KCNQ3: variants seen among roughly 807,000 people sequenced by gnomAD.
KCNQ3 encodes the protein potassium voltage-gated channel subfamily Q member 3.
A neutral mutation model predicts 92.5 loss-of-function variants in KCNQ3; 30 were observed. That is an observed-to-expected ratio of 0.32 (90% confidence interval 0.24 to 0.44). The LOEUF is 0.44. KCNQ3 is among the 20% of genes least tolerant of loss of function. The probability of loss-of-function intolerance (pLI) is 1.00; values close to 1 mark genes in which losing one functional copy is unlikely to be tolerated. For synonymous variants in KCNQ3, 450 were observed against 468.8 expected, an observed-to-expected ratio of 0.96 and a Z score of 0.52; for missense variants, 913 against 1,140.3, an observed-to-expected ratio of 0.80 and a Z score of 2.87.
At chr8:132,247,185 C>T (rs1207862383) in intron 1 of KCNQ3, among the ~76,000 whole-genome samples, 2 of 152,154 alleles carry the variant, frequency 1.3e-5, no homozygotes, top group Non-Finnish European at 2.9e-5. Flanking sequence ...TCCAGAGAGC[C>T]TACTTTCTCC....
chr8:132,136,995 G>T (rs1368750929), intron 12 of KCNQ3, among the ~76,000 whole-genome samples: 2 of 149,728 alleles, frequency 1.3e-5, no homozygotes, highest in African/African-American at 4.9e-5. Context: ...CTCCCAAGTA[G>T]CTGAGATTAC....
chr8:132,220,892 T>C (rs1814205523), intron 1 of KCNQ3, among the ~76,000 whole-genome samples: 2 of 152,202 alleles, frequency 1.3e-5, no homozygotes, highest in African/African-American at 4.8e-5. Context: ...GGTATACATG[T>C]GCCATGTTGT....
chr8:132,275,158 CT>C (rs1816283867), intron 1 of KCNQ3, among the ~76,000 whole-genome samples: 1 of 152,084 alleles, frequency 6.6e-6, no homozygotes, highest in Admixed American at 6.5e-5. Context: ...AAGTATCTAA[CT>C]TTTGTTTACC....
At chr8:132,331,136 G>A (rs540413777) in intron 1 of KCNQ3, among the ~76,000 whole-genome samples, 2 of 152,232 alleles carry the variant, frequency 1.3e-5, no homozygotes, top group South Asian at 4.2e-4. Context: ...GCACTGTCCT[G>A]TGCCCTTTAC....
chr8:132,332,202 G>C (rs1299093998), intron 1 of KCNQ3, among the ~76,000 whole-genome samples: 9 of 152,292 alleles, frequency 5.9e-5, no homozygotes, highest in East Asian at 1.9e-4. Context: ...AGGTGCCTGT[G>C]GGGAGGGACC....
At chr8:132,355,934 A>G (rs115881176) in intron 1 of KCNQ3, among the ~76,000 whole-genome samples, 199 of 152,354 alleles carry the variant, frequency 1.3e-3, no homozygotes, top group African/African-American at 4.4e-3. Context: ...GGGAGAGTCA[A>G]ATAACAAAAG....
chr8:132,318,362 T>G (rs1817800225), intron 1 of KCNQ3, among the ~76,000 whole-genome samples: 2 of 152,200 alleles, frequency 1.3e-5, no homozygotes, highest in Non-Finnish European at 2.9e-5. Flanking sequence ...CTAGGGCCCT[T>G]CCAAGTTTAG....
intron 1 of KCNQ3, among the ~76,000 whole-genome samples, chr8:132,404,356 A>C (rs1217089425): frequency 6.6e-6 from 1 of 152,232 alleles, no homozygotes; most frequent in Non-Finnish European, 1.5e-5. Flanking sequence ...CAGCCCCCAG[A>C]CACTTAATCA....
intron 1 of KCNQ3, among the ~76,000 whole-genome samples, chr8:132,234,502 AG>A (rs1251059939): frequency 6.6e-6 from 1 of 152,020 alleles, no homozygotes. Flanking sequence ...GGGTGGAGGC[AG>A]GGGGCAGAGA....
intron 1 of KCNQ3, among the ~76,000 whole-genome samples, chr8:132,388,029 A>T (rs376712039): frequency 6.7e-6 from 1 of 149,866 alleles, no homozygotes; most frequent in East Asian, 2.0e-4. Flanking sequence ...AGGAAGAAGA[A>T]GAAGAGGAAG....
intron 1 of KCNQ3, among the ~76,000 whole-genome samples, chr8:132,203,198 G>C (rs1827514951): frequency 6.6e-6 from 1 of 152,178 alleles, no homozygotes; most frequent in Non-Finnish European, 1.5e-5. Context: ...TCTGCCTCTT[G>C]AAGTTTCCAC....
intron 1 of KCNQ3, among the ~76,000 whole-genome samples, chr8:132,242,226 C>T (rs1036377619): frequency 6.6e-6 from 1 of 152,120 alleles, no homozygotes; most frequent in African/African-American, 2.4e-5. Context: ...TAGCTTTTTA[C>T]TATTCAATCA....
Position 132,170,420 on chromosome 8 carries a change from C to T in KCNQ3, c.1149G>A (p.Trp383Ter). 1 of 1,613,034 alleles carries T rather than the reference C, an allele frequency of 6.2e-7. No individual in the cohort carries two copies. The highest frequency in any genetic ancestry group is 8.5e-7 in the Non-Finnish European group (1 of 1,179,246). ...TGTTGGGGTTGGTAGCATAATACCTCCAGGCAGCCTGAGGGGCAGAAAAGA... is the reference window on the plus strand; with the variant it reads ...TGTTGGGGTTGGTAGCATAATACCTTCAGGCAGCCTGAGGGGCAGAAAAGA... ...KPAAELIQAA[W>*]RYYATNPNRI... The change falls in exon 8 of 15, where the codon TGG becomes TGA. Residue 383 changes from tryptophan (W) to a stop codon, truncating the protein, a stop_gained. Coordinates refer to ENST00000388996, the MANE Select transcript of KCNQ3 (RefSeq NM_004519.4). LOFTEE classifies it high-confidence loss of function.
Position 132,467,936 on chromosome 8 carries a change from T to C in KCNQ3, c.386+12211A>G, listed in dbSNP as rs143147318. 3.7e-3 allele frequency among the ~76,000 whole-genome samples: 558 copies of C among 152,260 alleles called. 1 individual carries two copies. The highest frequency in any genetic ancestry group is 6.9e-3 in the Admixed American group (105 of 15,294). On this transcript the variant is annotated intron_variant, in intron 1 of 14. Coordinates refer to ENST00000388996, the MANE Select transcript of KCNQ3 (RefSeq NM_004519.4). ...TTGCACGAAGACTTGGTTTGGGTCC[T>C]CCCCTTAGCAGCACCACCTTAGGCA...
At chr8:132,172,795 C>CA (rs1826422032) in intron 6 of KCNQ3, 102 bp from the exon 7 acceptor site, 4 of 818,340 alleles carry the variant, frequency 4.9e-6, no homozygotes, top group Non-Finnish European at 8.5e-6. Context: ...AATTGCACTT[C>CA]AAGTCCTTGC....
chr8:132,300,446 C>A (rs1817178841), intron 1 of KCNQ3, among the ~76,000 whole-genome samples: 1 of 152,198 alleles, frequency 6.6e-6, no homozygotes, highest in Non-Finnish European at 1.5e-5. Flanking sequence ...AGGTACATTG[C>A]AGTTTTCGTT....
chr8:132,361,666 G>A (rs533491396), intron 1 of KCNQ3, among the ~76,000 whole-genome samples: 248 of 152,068 alleles, frequency 1.6e-3, no homozygotes, highest in Non-Finnish European at 2.8e-3. Context: ...CCAAAGAAAA[G>A]AAAATGAAAT....
Position 132,129,620 on chromosome 8 carries a change from A to G in KCNQ3, c.2261T>C (p.Leu754Pro). The G allele has an allele frequency of 6.2e-7, 1 of 1,614,108 alleles. No individual in the cohort carries two copies. The highest frequency in any genetic ancestry group is 1.1e-5 in the South Asian group (1 of 91,074). Residue 754 changes from leucine (L) to proline (P), a missense_variant, in exon 15 of 15, where the codon CTC becomes CCC. Coordinates refer to ENST00000388996, the MANE Select transcript of KCNQ3 (RefSeq NM_004519.4). This position sits in a 1 kb window ranked among gnomAD's most constrained non-coding sequence, Gnocchi z 5.9. ...GGAGTGGCAGCTCACTCGGGAGTCG[A>G]GAAGAGTCAAGATAGGCAGGACCGT... ...RPTVLPILTL[L>P]DSRVSCHSQA...
chr8:132,262,819 T>C (rs1815833590), intron 1 of KCNQ3, among the ~76,000 whole-genome samples: 1 of 152,148 alleles, frequency 6.6e-6, no homozygotes, highest in African/African-American at 2.4e-5. Flanking sequence ...TTCTGTTTTA[T>C]ATGTTGAAAA....
Sources: gnomAD v4.1 joint callset for allele counts (sites outside exome capture counted in the v4.1 genomes callset) on GRCh38, gnomAD v4.1.1 for gene constraint, Gnocchi (gnomAD v3.1) non-coding constraint, MANE v1.5 for transcripts, NCBI Gene and HGNC (gene_info 2026-07-23, HGNC 2026-07-21) for gene names.